The following NLGN1 variants were observed in gnomAD, a reference collection of about 807,000 sequenced individuals.
NLGN1 encodes the protein neuroligin 1, also known as neuroligin-1.
Under a neutral mutation model 65.5 loss-of-function variants are expected in NLGN1, and 12 were observed. That is an observed-to-expected ratio of 0.18 (90% CI 0.12 to 0.30). NLGN1 has a LOEUF of 0.30. Among genes scored for constraint, NLGN1 ranks in the 10% least tolerant of loss-of-function variants. The pLI is 1.00. For missense variants in NLGN1, 750 were observed against 1,007.1 expected, an observed-to-expected ratio of 0.74 and a Z score of 3.46; for synonymous variants, 350 against 359.5, an observed-to-expected ratio of 0.97 and a Z score of 0.30.
chr3:173,810,693 A>C (rs78440351), intron 4 of NLGN1, among the ~76,000 whole-genome samples: 3,435 of 152,310 alleles, frequency 0.023, 118 homozygotes, highest in East Asian at 0.17. Context: ...AAATTCGTAC[A>C]GCTATCTAGC....
intron 2 of NLGN1, among the ~76,000 whole-genome samples, chr3:173,485,825 A>G (rs1390078717): frequency 6.6e-6 from 1 of 152,190 alleles, no homozygotes; most frequent in Non-Finnish European, 1.5e-5. Flanking sequence ...AATAATCTGA[A>G]AATAACAATA....
At chr3:173,485,116 C>CAAAAA (rs58463042) in intron 2 of NLGN1, among the ~76,000 whole-genome samples, 10 of 52,862 alleles carry the variant, frequency 1.9e-4, no homozygotes, top group Non-Finnish European at 2.6e-4. Flanking sequence ...TGGCAGCAGG[C>CAAAAA]AAAAAAAAAA....
intron 1 of NLGN1, among the ~76,000 whole-genome samples, chr3:173,427,752 G>A (rs1400377981): frequency 6.6e-6 from 1 of 151,636 alleles, no homozygotes; most frequent in Non-Finnish European, 1.5e-5. Context: ...TCCTGGAGAA[G>A]TTCAATAGGC....
rs375818180 is a variant in NLGN1 at position 173,525,398 on chromosome 3, T to C, written c.-320-78881T>C. On this transcript the variant is annotated intron_variant, in intron 2 of 6. Transcript: ENST00000457714. ...CATTTCCTCTAGGTTTTCTAGTTTG[T>C]GCACATGGAGACATTCATAGTATTC... 5.9e-5 allele frequency among the ~76,000 whole-genome samples: 9 copies of C among 152,306 alleles called. No homozygotes were observed. The East Asian group carries it at 1.5e-3, about 26-fold the overall frequency.
At chr3:174,258,487 T>A (rs1409772000) in intron 4 of NLGN1, among the ~76,000 whole-genome samples, 2 of 152,166 alleles carry the variant, frequency 1.3e-5, no homozygotes, top group Non-Finnish European at 2.9e-5. Context: ...TCTATATACT[T>A]TATACTTACC....
intron 4 of NLGN1, among the ~76,000 whole-genome samples, chr3:173,864,172 C>T (rs536828891): frequency 6.6e-6 from 1 of 152,106 alleles, no homozygotes; most frequent in African/African-American, 2.4e-5. Flanking sequence ...TGATAATATG[C>T]CCCTTAGTTT....
At chr3:174,135,105 A>T (rs1720967732) in intron 4 of NLGN1, among the ~76,000 whole-genome samples, 1 of 152,164 alleles carries the variant, frequency 6.6e-6, no homozygotes, top group East Asian at 1.9e-4. Context: ...CACGTGTAAC[A>T]CTATTGTTTC....
At chr3:173,715,533 G>C (rs1168202616) in intron 3 of NLGN1, among the ~76,000 whole-genome samples, 2 of 152,152 alleles carry the variant, frequency 1.3e-5, no homozygotes, top group African/African-American at 2.4e-5. Context: ...GTAGCGAAAA[G>C]GGACTAGTGA....
chr3:173,490,252 T>C (rs955873303), intron 2 of NLGN1, among the ~76,000 whole-genome samples: 1 of 152,200 alleles, frequency 6.6e-6, no homozygotes, highest in Non-Finnish European at 1.5e-5. Flanking sequence ...CTTTAATCCA[T>C]CTTGAATTTA....
At chr3:174,019,559 G>C (rs1313098116) in intron 4 of NLGN1, among the ~76,000 whole-genome samples, 1 of 152,070 alleles carries the variant, frequency 6.6e-6, no homozygotes, top group African/African-American at 2.4e-5. Flanking sequence ...AGACAAACAT[G>C]ATATCATATT....
At chr3:173,600,824 C>T (rs995743976) in intron 2 of NLGN1, among the ~76,000 whole-genome samples, 3 of 151,488 alleles carry the variant, frequency 2.0e-5, no homozygotes, top group Non-Finnish European at 4.4e-5. Context: ...AGTGCAATAG[C>T]TTGCACATTG....
rs952242239 is a variant in NLGN1 at position 174,241,518 on chromosome 3, T to A, written c.647-33797T>A. 1.0e-4 allele frequency among the ~76,000 whole-genome samples: 15 copies of A among 150,502 alleles called. No homozygotes were observed. In the South Asian group the frequency reaches 2.3e-3, roughly 23 times the overall value. ...TATCCACCAATTAAAAAAAAAAAAA[T>A]GAGCACCTTCCTAATACTTCGTATA... On this transcript the variant is annotated intron_variant, in intron 4 of 6. Coordinates refer to ENST00000457714, the Ensembl canonical transcript of NLGN1.
At chr3:174,031,565 G>A (rs925499979) in intron 4 of NLGN1, among the ~76,000 whole-genome samples, 5 of 151,996 alleles carry the variant, frequency 3.3e-5, no homozygotes, top group African/African-American at 4.8e-5. Flanking sequence ...AGATTATAAT[G>A]GCTCCAAAAC....
intron 4 of NLGN1, among the ~76,000 whole-genome samples, chr3:174,246,201 G>C (rs764845662): frequency 2.0e-5 from 3 of 152,138 alleles, no homozygotes; most frequent in Non-Finnish European, 4.4e-5. Flanking sequence ...ATTTAGAAAT[G>C]GCAAGATTCC....
chr3:173,466,633 G>A (rs1724411157), intron 2 of NLGN1, among the ~76,000 whole-genome samples: 1 of 152,148 alleles, frequency 6.6e-6, no homozygotes, highest in Non-Finnish European at 1.5e-5. Context: ...GTTGTTTATT[G>A]ATGAATATTT....
At chr3:173,466,008 G>A (rs1018263911) in intron 2 of NLGN1, among the ~76,000 whole-genome samples, 1 of 152,136 alleles carries the variant, frequency 6.6e-6, no homozygotes, top group Non-Finnish European at 1.5e-5. Flanking sequence ...AGGAACTAGT[G>A]GAAAGACAAC....
At chr3:173,451,647 T>C (rs936856637) in intron 2 of NLGN1, among the ~76,000 whole-genome samples, 2 of 152,170 alleles carry the variant, frequency 1.3e-5, no homozygotes, top group Admixed American at 6.5e-5. Context: ...GTCTGTGCCC[T>C]GCCCCCAGAG....
chr3:173,517,784 A>T (rs781519096), intron 2 of NLGN1, among the ~76,000 whole-genome samples: 2 of 151,794 alleles, frequency 1.3e-5, no homozygotes, highest in African/African-American at 4.8e-5. Flanking sequence ...CTATCTATCT[A>T]TCTATCTATC....
chr3:173,483,096 C>G (rs1481723088), intron 2 of NLGN1, among the ~76,000 whole-genome samples: 2 of 152,004 alleles, frequency 1.3e-5, no homozygotes, highest in South Asian at 2.1e-4. Context: ...GTTTTGGGAA[C>G]TATAGATTAC....
Sources: gnomAD v4.1 joint callset for allele counts (sites outside exome capture counted in the v4.1 genomes callset) on GRCh38, gnomAD v4.1.1 for gene constraint, MANE v1.5 for transcripts, NCBI Gene and HGNC (gene_info 2026-07-23, HGNC 2026-07-21) for gene names.